Variants in TENM3 observed in about 807,000 individuals in gnomAD.
TENM3 encodes teneurin-3.
A neutral mutation model predicts 255.1 loss-of-function variants in TENM3; 63 were observed. The observed-to-expected ratio is 0.25, with a 90% CI of 0.20 to 0.30. The LOEUF is 0.30. Ranked by LOEUF, TENM3 falls within the 10% of genes least tolerant of loss-of-function variation. The probability of loss-of-function intolerance (pLI) is 1.00; values close to 1 mark genes in which losing one functional copy is unlikely to be tolerated. For synonymous variants in TENM3, 1,306 were observed against 1,322.3 expected (o/e 0.99, Z 0.27); for missense variants, 2,929 against 3,461.1 (o/e 0.85, Z 3.86).
chr4:182,049,611 G>A, the TENM3 span, among the ~76,000 whole-genome samples: 1 of 152,144 alleles, frequency 6.6e-6, no homozygotes, highest in African/African-American at 2.4e-5. Context: ...GCTCTTGATG[G>A]ATTTTTAAAA....
intron 3 of TENM3, among the ~76,000 whole-genome samples, chr4:182,420,100 A>G (rs1770712052): frequency 6.6e-6 from 1 of 152,046 alleles, no homozygotes; most frequent in Non-Finnish European, 1.5e-5. Flanking sequence ...ATTCAGTTCT[A>G]TCTAGTAAGC....
At chr4:182,326,248 C>T (rs1158752834) in intron 2 of TENM3, among the ~76,000 whole-genome samples, 1 of 152,226 alleles carries the variant, frequency 6.6e-6, no homozygotes, top group Non-Finnish European at 1.5e-5. Context: ...ACAGCTAATG[C>T]TGCCACCCTA....
chr4:181,985,577 T>C, the TENM3 span, among the ~76,000 whole-genome samples: 110 of 152,244 alleles, frequency 7.2e-4, no homozygotes, highest in African/African-American at 2.3e-3. Context: ...CTGCCCACCA[T>C]TGTTTTAATT....
chr4:182,088,838 GAA>G, the TENM3 span, among the ~76,000 whole-genome samples: 4 of 96,996 alleles, frequency 4.1e-5, no homozygotes, highest in Non-Finnish European at 6.8e-5. Context: ...CATCTCTAAA[GAA>G]AAAAAAAAAA....
At chr4:181,807,083 C>T in the TENM3 span, among the ~76,000 whole-genome samples, 3 of 152,140 alleles carry the variant, frequency 2.0e-5, no homozygotes, top group Non-Finnish European at 4.4e-5. Context: ...GTCTCAGATA[C>T]CTGATATTTT....
At chr4:181,963,430 A>G in the TENM3 span, among the ~76,000 whole-genome samples, 1 of 152,196 alleles carries the variant, frequency 6.6e-6, no homozygotes, top group Non-Finnish European at 1.5e-5. Flanking sequence ...GTTAAATTTC[A>G]AAGCTGGATT....
the TENM3 span, among the ~76,000 whole-genome samples, chr4:181,619,878 A>G: frequency 1.3e-5 from 2 of 152,230 alleles, no homozygotes; most frequent in Admixed American, 1.3e-4. Context: ...CCCCGTCAAC[A>G]GCCGTATTCA....
chr4:181,892,024 G>A, the TENM3 span, among the ~76,000 whole-genome samples: 1 of 152,124 alleles, frequency 6.6e-6, no homozygotes, highest in African/African-American at 2.4e-5. Context: ...ATTTGTCCAG[G>A]ATAGACTGGA....
intron 1 of TENM3, among the ~76,000 whole-genome samples, chr4:182,211,369 G>A (rs1755031395): frequency 1.3e-5 from 2 of 152,138 alleles, no homozygotes; most frequent in African/African-American, 2.4e-5. Flanking sequence ...GAGTTTCTAT[G>A]ATTAATTATG....
chr4:181,769,462 C>T, the TENM3 span, among the ~76,000 whole-genome samples: 1 of 152,186 alleles, frequency 6.6e-6, no homozygotes, highest in Non-Finnish European at 1.5e-5. Context: ...ATAATAATGG[C>T]TCCTCCTCAT....
chr4:182,038,764 A>T, the TENM3 span, among the ~76,000 whole-genome samples: 1 of 151,938 alleles, frequency 6.6e-6, no homozygotes, highest in East Asian at 1.9e-4. Flanking sequence ...ACAGAGTTTC[A>T]CTCTTGTTGC....
intron 3 of TENM3, among the ~76,000 whole-genome samples, chr4:182,492,562 G>A (rs901616441): frequency 4.6e-5 from 7 of 151,986 alleles, no homozygotes; most frequent in African/African-American, 1.5e-4. Context: ...TTTCAGTTTC[G>A]TTTCATGAGA....
chr4:181,477,765 G>A, the TENM3 span, among the ~76,000 whole-genome samples: 275 of 152,166 alleles, frequency 1.8e-3, no homozygotes, highest in African/African-American at 6.3e-3. Context: ...TGAGTATTTG[G>A]GTGTGATTCA....
At chr4:182,677,561 T>C (rs981341938) in intron 7 of TENM3, among the ~76,000 whole-genome samples, 1 of 152,174 alleles carries the variant, frequency 6.6e-6, no homozygotes, top group East Asian at 1.9e-4. Context: ...CATTCAAAAC[T>C]GCTGAATTAA....
the TENM3 span, among the ~76,000 whole-genome samples, chr4:181,810,856 G>C: frequency 6.6e-6 from 1 of 152,134 alleles, no homozygotes; most frequent in Non-Finnish European, 1.5e-5. Flanking sequence ...GCGTTCCAGT[G>C]TGGTTGGATC....
At chr4:182,476,422 G>A (rs934715076) in intron 3 of TENM3, among the ~76,000 whole-genome samples, 1 of 152,138 alleles carries the variant, frequency 6.6e-6, no homozygotes, top group South Asian at 2.1e-4. Flanking sequence ...TTTCTGTGAT[G>A]CTGGAGAAAT....
At chr4:182,620,845 C>T (rs928810225) in intron 4 of TENM3, among the ~76,000 whole-genome samples, 3 of 152,184 alleles carry the variant, frequency 2.0e-5, no homozygotes, top group Non-Finnish European at 2.9e-5. Context: ...CCTCCTGCCT[C>T]ACCCTCCTGA....
chr4:182,684,659 C>T (rs192346927), intron 11 of TENM3, among the ~76,000 whole-genome samples: 63 of 152,074 alleles, frequency 4.1e-4, no homozygotes, highest in Non-Finnish European at 6.9e-4. Flanking sequence ...CATTAATAGA[C>T]GTAGTAGAGG....
the TENM3 span, among the ~76,000 whole-genome samples, chr4:181,839,705 T>A: frequency 6.6e-6 from 1 of 151,536 alleles, no homozygotes; most frequent in Non-Finnish European, 1.5e-5. Context: ...TATATTATTA[T>A]ATATTATCAT....
Sources: gnomAD v4.1 joint callset for allele counts (sites outside exome capture counted in the v4.1 genomes callset) on GRCh38, gnomAD v4.1.1 for gene constraint, MANE v1.5 for transcripts, NCBI Gene and HGNC (gene_info 2026-07-23, HGNC 2026-07-21) for gene names.